TOX: variants seen among roughly 807,000 people sequenced by gnomAD.
TOX encodes thymocyte selection associated high mobility group box, also known as thymocyte selection-associated high mobility group box protein TOX.
TOX carries 11 observed loss-of-function variants against 53.7 expected under a neutral mutation model. The observed-to-expected ratio is 0.20, with a 90% CI of 0.13 to 0.34. TOX has a LOEUF of 0.34. TOX is among the 10% of genes least tolerant of loss of function. The pLI is 1.00. For missense variants in TOX, 570 were observed against 664.6 expected (o/e 0.86, Z 1.56); for synonymous variants, 225 against 245.3 (o/e 0.92, Z 0.77).
intron 1 of TOX, among the ~76,000 whole-genome samples, chr8:59,098,915 C>T (rs1013558771): frequency 2.6e-5 from 4 of 152,052 alleles, no homozygotes; most frequent in African/African-American, 7.2e-5. Context: ...AAAATGGTTC[C>T]GATGTGAATT....
chr8:58,976,072 TAAA>T (rs35306002), intron 1 of TOX, among the ~76,000 whole-genome samples: 4 of 148,988 alleles, frequency 2.7e-5, no homozygotes, highest in South Asian at 4.3e-4. Context: ...CTCCGTCTAA[TAAA>T]AAAAAAAAAA....
At chr8:59,062,442 A>G (rs1040483863) in intron 1 of TOX, among the ~76,000 whole-genome samples, 2 of 152,252 alleles carry the variant, frequency 1.3e-5, no homozygotes, top group African/African-American at 2.4e-5. Flanking sequence ...TATTAATTTT[A>G]TAAATATGGA....
At chr8:58,820,056 A>C (rs567015384) in intron 6 of TOX, among the ~76,000 whole-genome samples, 1 of 152,340 alleles carries the variant, frequency 6.6e-6, no homozygotes, top group Admixed American at 6.5e-5. Flanking sequence ...TTACGTTAAC[A>C]GTCATACAAT....
intron 7 of TOX, among the ~76,000 whole-genome samples, chr8:58,813,861 G>A (rs905651601): frequency 6.6e-6 from 1 of 152,122 alleles, no homozygotes; most frequent in African/African-American, 2.4e-5. Flanking sequence ...GGAGATACAG[G>A]TTTTCTCATA....
chr8:58,976,072 T>TAA (rs35306002), intron 1 of TOX, among the ~76,000 whole-genome samples: 1 of 148,900 alleles, frequency 6.7e-6, no homozygotes, highest in Non-Finnish European at 1.5e-5. Flanking sequence ...CTCCGTCTAA[T>TAA]AAAAAAAAAA....
At chr8:59,008,400 T>C (rs1486862081) in intron 1 of TOX, among the ~76,000 whole-genome samples, 1 of 152,188 alleles carries the variant, frequency 6.6e-6, no homozygotes, top group African/African-American at 2.4e-5. Flanking sequence ...TACCTTTCAA[T>C]GAAGGGGAAG....
chr8:58,882,395 G>C lies in TOX; in HGVS notation c.412-30590C>G, dbSNP rs144992725. Reference sequence around the variant, plus strand: ...AATAGGAAAATAGATAATTTCATTTGATGTTTGAGAAGCATTTCTTAGTGG... The same window carrying C: ...AATAGGAAAATAGATAATTTCATTTCATGTTTGAGAAGCATTTCTTAGTGG... On this transcript the variant is annotated intron_variant, in intron 3 of 8. Transcript: ENST00000361421. Among the ~76,000 whole-genome samples, 266 of 152,292 alleles carry C rather than the reference G, an allele frequency of 1.7e-3. 2 individuals are homozygous for C. The highest frequency in any genetic ancestry group is 5.8e-3 in the Admixed American group (89 of 15,294).
chr8:58,868,005 T>C (rs1011427524), intron 3 of TOX, among the ~76,000 whole-genome samples: 8 of 152,178 alleles, frequency 5.3e-5, no homozygotes, highest in African/African-American at 1.9e-4. Flanking sequence ...TCATGTTGAA[T>C]TGTAGCTCCC....
chr8:58,915,476 C>A (rs1812000216), intron 3 of TOX, among the ~76,000 whole-genome samples: 1 of 114,276 alleles, frequency 8.8e-6, no homozygotes, highest in Admixed American at 9.2e-5. Context: ...TTCCAACAGA[C>A]CTGCAGCTGA....
intron 1 of TOX, among the ~76,000 whole-genome samples, chr8:59,025,749 C>T (rs79117788): frequency 1.3e-5 from 2 of 152,202 alleles, no homozygotes; most frequent in East Asian, 1.9e-4. Context: ...GCAGATGGTT[C>T]GCTTACCTGC....
chr8:58,908,269 G>A (rs1398357655), intron 3 of TOX, among the ~76,000 whole-genome samples: 2 of 152,186 alleles, frequency 1.3e-5, no homozygotes, highest in Non-Finnish European at 2.9e-5. Flanking sequence ...CTGGACGTCA[G>A]CATTTTAACC....
chr8:58,911,585 A>G (rs1161931800), intron 3 of TOX, among the ~76,000 whole-genome samples: 1 of 152,250 alleles, frequency 6.6e-6, no homozygotes, highest in African/African-American at 2.4e-5. Context: ...GGTGTTGTTC[A>G]GAATAGACTA....
chr8:58,975,320 A>G (rs1029584359), intron 1 of TOX, among the ~76,000 whole-genome samples: 2 of 151,890 alleles, frequency 1.3e-5, no homozygotes, highest in African/African-American at 4.8e-5. Flanking sequence ...GAGCAATATA[A>G]AGTCATCGTT....
chr8:58,825,182 C>T (rs552963380), intron 6 of TOX, among the ~76,000 whole-genome samples: 4 of 152,198 alleles, frequency 2.6e-5, no homozygotes, highest in Non-Finnish European at 5.9e-5. Context: ...TCACATACAA[C>T]ATTGGAGGGT....
intron 1 of TOX, among the ~76,000 whole-genome samples, chr8:58,971,016 A>C (rs1812992607): frequency 6.6e-6 from 1 of 152,228 alleles, no homozygotes; most frequent in Non-Finnish European, 1.5e-5. Flanking sequence ...TAGTTTAAAT[A>C]GTCTGAAAAG....
chr8:59,113,746 G>A (rs971004227), intron 1 of TOX, among the ~76,000 whole-genome samples: 8 of 152,096 alleles, frequency 5.3e-5, no homozygotes, highest in East Asian at 1.9e-4. Flanking sequence ...TAACTGGGAA[G>A]GAGATGGAGA....
At chr8:58,907,963 G>A (rs1379103917) in intron 3 of TOX, among the ~76,000 whole-genome samples, 7 of 152,146 alleles carry the variant, frequency 4.6e-5, no homozygotes, top group Admixed American at 1.3e-4. Context: ...TTCGGTGTAC[G>A]TGTGCAGGAT....
At chr8:58,986,054 TG>T (rs1360243707) in intron 1 of TOX, among the ~76,000 whole-genome samples, 3 of 152,244 alleles carry the variant, frequency 2.0e-5, no homozygotes, top group Non-Finnish European at 4.4e-5. Context: ...CAATACTAAA[TG>T]GCATGTTCTA....
chr8:59,111,789 A>G (rs1805020308), intron 1 of TOX, among the ~76,000 whole-genome samples: 1 of 152,204 alleles, frequency 6.6e-6, no homozygotes. Flanking sequence ...AAAGCTTCTT[A>G]TCAACCAACC....
Sources: allele counts gnomAD v4.1 joint callset (sites outside exome capture counted in the v4.1 genomes callset), GRCh38; gene constraint gnomAD v4.1.1; transcripts MANE v1.5; gene names NCBI Gene and HGNC (gene_info 2026-07-23, HGNC 2026-07-21).